The following LTN1 variants were observed in gnomAD, a reference collection of about 807,000 sequenced individuals.
The protein encoded by LTN1 is E3 ubiquitin-protein ligase listerin.
Under a neutral mutation model 201.2 loss-of-function variants are expected in LTN1, and 88 were observed. The ratio of observed to expected loss-of-function variants is 0.44; its 90% confidence interval spans 0.37 to 0.52. The LOEUF is 0.52. Among genes scored for constraint, LTN1 ranks in the 20% least tolerant of loss-of-function variants. The probability of loss-of-function intolerance (pLI) is 0.00; values close to 1 mark genes in which losing one functional copy is unlikely to be tolerated. For synonymous variants in LTN1, 645 were observed against 713.5 expected (o/e 0.90, Z 1.53); for missense variants, 1,752 against 2,038.7 (o/e 0.86, Z 2.71).
intron 1 of LTN1, among the ~76,000 whole-genome samples, chr21:28,987,826 C>T (rs533600844): frequency 7.2e-5 from 11 of 152,316 alleles, no homozygotes; most frequent in African/African-American, 2.2e-4. Flanking sequence ...TGTTTGCCAA[C>T]GGTTATCCAA....
Position 28,970,642 on chromosome 21 carries a change from T to C in LTN1, c.1085A>G (p.Tyr362Cys), listed in dbSNP as rs747394325. ...GRGLATVIYP[Y>C]LLPFISKLPQ... ...GAGCTTGCTGATGAATGGCAGAAGG[T>C]AAGGATATATGACAGTAGCTAGACC... The change falls in exon 8 of 30, where the codon TAC (tyrosine) becomes TGC (cysteine). Residue 362 changes from tyrosine (Y) to cysteine (C), a missense_variant. Tyr to Cys is a radical substitution (Grantham distance 194, BLOSUM62 -2). Transcript: ENST00000361371. The C allele has an allele frequency of 1.2e-6, 2 of 1,613,786 alleles. No individual in the cohort carries two copies. The highest frequency in any genetic ancestry group is 1.7e-6 in the Non-Finnish European group (2 of 1,179,764).
At position 28,954,271 on chromosome 21, in the gene LTN1, T is replaced by C. The variant is rs140615131; in HGVS notation, c.3080-895A>G. Among the ~76,000 whole-genome samples the C allele has an allele frequency of 1.4e-3, 217 of 152,232 alleles. 2 individuals carry two copies. The highest frequency in any genetic ancestry group is 5.0e-3 in the African/African-American group (206 of 41,558). ...TGTGAAGGTGGCTGCCCAAAAGAGG[T>C]GTTTCAACTTTCTTCCACAGAGCAT... On this transcript the variant is annotated intron_variant, in intron 16 of 29. Transcript: ENST00000361371.
At chr21:28,965,141 T>C (rs765531785) in intron 11 of LTN1, among the ~76,000 whole-genome samples, 1 of 152,180 alleles carries the variant, frequency 6.6e-6, no homozygotes, top group African/African-American at 2.4e-5. Flanking sequence ...TTTCATGCTA[T>C]GTGTTTTTTT....
Position 28,964,515 on chromosome 21 carries a change from C to G in LTN1, c.2163+1350G>C, listed in dbSNP as rs970564631. 10 of 1,427,660 alleles carry G rather than the reference C, an allele frequency of 7.0e-6. No individual in the cohort carries two copies. The African/African-American group carries it at 1.4e-4, about 20-fold the overall frequency. The allele number at this position is 1,427,660 out of a possible 1,614,324, so 88.4% of individuals were successfully genotyped here. On this transcript the variant is annotated intron_variant, in intron 11 of 29. Transcript: ENST00000361371. ...GTAGTGTACACATAACTTTTATATG[C>G]ACTGGCAATCCAAAATACTTGTGTA...
intron 17 of LTN1, 43 bp from the exon 18 acceptor site, chr21:28,952,307 T>A (rs766716813): frequency 8.3e-7 from 1 of 1,210,076 alleles, no homozygotes; most frequent in South Asian, 1.3e-5. Context: ...TTTGAAAGCA[T>A]ACTGAATAAA....
At chr21:28,941,945 AC>A (rs1273356974) in intron 24 of LTN1, among the ~76,000 whole-genome samples, 2 of 152,220 alleles carry the variant, frequency 1.3e-5, no homozygotes, top group African/African-American at 4.8e-5. Context: ...AAATAAATGT[AC>A]CATTCAGATT....
chr21:28,942,740 T>A (rs768871840), intron 24 of LTN1, among the ~76,000 whole-genome samples: 14 of 148,516 alleles, frequency 9.4e-5, no homozygotes, highest in South Asian at 8.6e-4. Flanking sequence ...CAAAAGAAAG[T>A]CTTCCCTTCC....
chr21:28,944,287 T>C (rs2084319911), intron 22 of LTN1, 96 bp downstream of exon 22: 3 of 868,344 alleles, frequency 3.5e-6, no homozygotes, highest in Admixed American at 4.2e-5. Context: ...TACTATTTAG[T>C]ATTATTTGAT....
intron 13 of LTN1, 28 bp downstream of exon 13, chr21:28,959,430 A>G (rs1361183934): frequency 2.5e-6 from 4 of 1,599,998 alleles, no homozygotes; most frequent in Admixed American, 1.7e-5. Context: ...GAGATTCCCA[A>G]CAAAACATTT....
chr21:28,942,880 C>T (rs1183053511), intron 24 of LTN1, among the ~76,000 whole-genome samples: 2 of 152,204 alleles, frequency 1.3e-5, no homozygotes, highest in Non-Finnish European at 1.5e-5. Context: ...ACAGTATCAT[C>T]TGTATCAGAT....
At chr21:28,968,656 C>T (rs1486149827) in intron 9 of LTN1, among the ~76,000 whole-genome samples, 2 of 151,724 alleles carry the variant, frequency 1.3e-5, no homozygotes, top group East Asian at 3.9e-4. Flanking sequence ...TCTTGTTGAC[C>T]AGGCTGGAGT....
intron 9 of LTN1, chr21:28,967,612 T>C (rs1317100228): frequency 1.3e-5 from 2 of 156,616 alleles, no homozygotes; most frequent in Non-Finnish European, 2.8e-5. Context: ...CGTGTGCATG[T>C]CTTCATTTGT....
intron 18 of LTN1, among the ~76,000 whole-genome samples, chr21:28,949,252 G>A (rs940901991): frequency 3.9e-5 from 6 of 151,928 alleles, no homozygotes; most frequent in African/African-American, 1.4e-4. Context: ...ATAGTTTTTT[G>A]TTGATTTGCA....
intron 10 of LTN1, 92 bp downstream of exon 10, chr21:28,966,278 C>T (rs2084521596): frequency 9.2e-7 from 1 of 1,089,576 alleles, no homozygotes; most frequent in East Asian, 2.5e-5. Flanking sequence ...AAAATTGACA[C>T]TCACAGTGAA....
chr21:28,963,202 C>G (rs544662455), intron 11 of LTN1, among the ~76,000 whole-genome samples: 1 of 152,212 alleles, frequency 6.6e-6, no homozygotes, highest in Non-Finnish European at 1.5e-5. Context: ...GGAGGTAAAA[C>G]AGTCACATAT....
Position 28,965,904 on chromosome 21 carries a change from C to A in LTN1, c.2124G>T (p.Val708=). The A allele has an allele frequency of 1.3e-6, 2 of 1,526,218 alleles. No individual in the cohort carries two copies. Among genetic ancestry groups the A allele is most frequent in the Non-Finnish European group, 9.0e-7 (1 of 1,116,538 alleles). 94.5% of individuals were successfully genotyped at this position (1,526,218 alleles called of 1,614,324 possible). The change falls in exon 11 of 30, where the codon GTG becomes GTT. Residue 708 remains valine, a splice_region_variant and synonymous_variant. Transcript: ENST00000361371. ...TAAGAAGAGAATTCCATTTCAAGTC[C>A]ACCTGAAAAAAGAAAAAGAGTTAGA... ...RKKVLDDLTK[V]DLKWNSLLKI... is the part of the protein sequence containing the mutation.
chr21:28,967,097 C>G lies in LTN1; in HGVS notation c.1394G>C (p.Ser465Thr). The G allele has an allele frequency of 1.2e-6, 2 of 1,614,128 alleles. No homozygotes were observed. Among genetic ancestry groups the G allele is most frequent in the South Asian group, 2.2e-5 (2 of 91,086 alleles). The change falls in exon 10 of 30, where the codon AGT (serine) becomes ACT (threonine). Residue 465 changes from serine to threonine, a missense_variant. By Grantham distance (58) the Ser-to-Thr change is moderately conservative (BLOSUM62 1). This residue lies in a region of LTN1 where 1,211 missense variants were observed against 1,312.8 expected (regional missense o/e 0.92). Transcript: ENST00000361371. ...QLFNHLAETL[S>T]SWEAKADTEK... is the part of the protein sequence containing the mutation. The stretch of plus-strand genomic sequence containing the variant: ...CGTGTCTGCTTTGGCTTCCCAGGAA[C>G]TTAGAGTTTCTGCTAAATGGTTAAA...
intron 12 of LTN1, 180 bp from the exon 13 acceptor site, chr21:28,959,877 GT>G: frequency 1.9e-6 from 1 of 523,684 alleles, no homozygotes; most frequent in East Asian, 3.5e-5. Flanking sequence ...AAAAAAGGCA[GT>G]TTTAAATTAA....
chr21:28,943,602 A>G, intron 23 of LTN1, 65 bp downstream of exon 23: 1 of 1,232,728 alleles, frequency 8.1e-7, no homozygotes, highest in Admixed American at 2.0e-5. Context: ...TTAAAAGTAA[A>G]AACTAAGCAT....
Sources: gnomAD v4.1 joint callset for allele counts (sites outside exome capture counted in the v4.1 genomes callset) on GRCh38, gnomAD v4.1.1 for gene constraint, gnomAD v4.1.1 regional missense constraint, MANE v1.5 for transcripts, NCBI Gene and HGNC (gene_info 2026-07-23, HGNC 2026-07-21) for gene names.